The following HTT variants were observed in gnomAD, a reference collection of about 807,000 sequenced individuals.
The protein encoded by HTT is huntingtin, also known as huntington disease protein.
HTT carries 104 observed loss-of-function variants against 362.3 expected under a neutral mutation model. The observed-to-expected ratio is 0.29, with a 90% CI of 0.24 to 0.34. HTT has a LOEUF of 0.34. HTT is among the 10% of genes least tolerant of loss of function. The pLI is 1.00. For synonymous variants in HTT, 1,577 were observed against 1,548.7 expected, an observed-to-expected ratio of 1.02 and a Z score of -0.43; for missense variants, 3,301 against 3,928.6, an observed-to-expected ratio of 0.84 and a Z score of 4.27.
chr4:3,136,886 C>G (rs1716094425), intron 21 of HTT, among the ~76,000 whole-genome samples: 1 of 150,792 alleles, frequency 6.6e-6, no homozygotes, highest in African/African-American at 2.4e-5. Flanking sequence ...CTGAGAATTC[C>G]TGGAAGTTGA....
rs1256782359 is a variant in HTT at position 3,116,273 on chromosome 4, CAGGGTTTACTCT to C, written c.1068+14_1068+25del. The C allele has an allele frequency of 6.2e-7, 1 of 1,602,362 alleles. No homozygotes were observed. The highest frequency in any genetic ancestry group is 8.5e-7 in the Non-Finnish European group (1 of 1,169,872). ...AGAGCAGCTTGTCCAGGTAGGAGCA[CAGGGTTTACTCT>C]AGGCCCTGCATGTGAATGACTGACA... On this transcript the variant is annotated intron_variant, in intron 8 of 66. Transcript: ENST00000355072.
intron 8 of HTT, 32 bp downstream of exon 8, chr4:3,116,295 A>C (rs1038551759): frequency 6.5e-7 from 1 of 1,544,694 alleles, no homozygotes; most frequent in Non-Finnish European, 8.9e-7. Flanking sequence ...TAGGCCCTGC[A>C]TGTGAATGAC....
intron 6 of HTT, among the ~76,000 whole-genome samples, chr4:3,113,967 T>C (rs773031894): frequency 2.6e-5 from 4 of 151,924 alleles, no homozygotes; most frequent in African/African-American, 4.8e-5. Context: ...CACAGAAATA[T>C]AGAGGTGTGA....
chr4:3,103,943 T>A, intron 4 of HTT, 60 bp downstream of exon 4: 1 of 958,490 alleles, frequency 1.0e-6, no homozygotes, highest in Non-Finnish European at 1.7e-6. Context: ...TAGGTACACG[T>A]ATTTTGTAGG....
At chr4:3,231,120 A>G (rs1191334011) in intron 60 of HTT, among the ~76,000 whole-genome samples, 2 of 152,168 alleles carry the variant, frequency 1.3e-5, no homozygotes, top group Non-Finnish European at 2.9e-5. Context: ...CAGAGCTGGC[A>G]CCTCTGGTTC....
intron 40 of HTT, among the ~76,000 whole-genome samples, chr4:3,198,215 A>ATTTTTTTTTT (rs200014691): frequency 1.7e-5 from 1 of 60,380 alleles, no homozygotes; most frequent in African/African-American, 6.6e-5. Flanking sequence ...GGATGTGTTG[A>ATTTTTTTTTT]TTTTTTTTTT....
chr4:3,172,406 T>G lies in HTT; in HGVS notation c.3942+9T>G, dbSNP rs769009499. ...CTGTTTGTGTTCAACAAGTAAGAGC[T>G]TCATTCTTTTCCTCTTCTGTTAAGA... On this transcript the variant is annotated intron_variant, in intron 30 of 66. Coordinates refer to ENST00000355072, the MANE Select transcript of HTT (RefSeq NM_001388492.1). The G allele has an allele frequency of 5.1e-6, 8 of 1,574,860 alleles. No homozygotes were observed. Among genetic ancestry groups the G allele is most frequent in the Non-Finnish European group, 7.0e-6 (8 of 1,144,078 alleles).
chr4:3,229,336 G>GCACCA (rs1721105420), intron 59 of HTT, among the ~76,000 whole-genome samples: 1 of 117,412 alleles, frequency 8.5e-6, no homozygotes, highest in Non-Finnish European at 1.7e-5. Flanking sequence ...CACACCACAT[G>GCACCA]CACCACACCA....
chr4:3,144,072 A>G (rs956560893), intron 23 of HTT, among the ~76,000 whole-genome samples: 4 of 152,222 alleles, frequency 2.6e-5, no homozygotes, highest in Non-Finnish European at 5.9e-5. Flanking sequence ...TGAGTGAAAA[A>G]AGGCAGAATA....
rs555768481 is a variant in HTT at position 3,096,528 on chromosome 4, C to G, written c.348-2746C>G. Among the ~76,000 whole-genome samples the G allele has an allele frequency of 5.9e-5, 9 of 152,244 alleles. No individual in the cohort carries two copies. The South Asian group carries it at 1.9e-3, about 32-fold the overall frequency. ...TTATTCAGAGTATGTTTTCTGACCT[C>G]AGTATCATTAAGTTGGAATATATTA... On this transcript the variant is annotated intron_variant, in intron 2 of 66. Transcript: ENST00000355072.
chr4:3,107,551 A>G, intron 6 of HTT, 128 bp downstream of exon 6: 1 of 830,012 alleles, frequency 1.2e-6, no homozygotes, highest in Non-Finnish European at 1.9e-6. Flanking sequence ...CGTAATTTAG[A>G]CTACCATCAT....
intron 63 of HTT, 126 bp downstream of exon 63, chr4:3,235,904 G>A (rs1043286589): frequency 3.5e-5 from 29 of 818,100 alleles, no homozygotes; most frequent in East Asian, 1.1e-4. Context: ...GCCCCAAGCC[G>A]GCCCCATCAC....
At chr4:3,204,298 C>A (rs1289931565) in intron 42 of HTT, 150 bp downstream of exon 42, 1 of 728,048 alleles carries the variant, frequency 1.4e-6, no homozygotes, top group Non-Finnish European at 2.3e-6. Flanking sequence ...TGAATGTTTA[C>A]TTCTGCTGTG....
chr4:3,143,104 G>A (rs1449921900), intron 23 of HTT, among the ~76,000 whole-genome samples: 2 of 151,886 alleles, frequency 1.3e-5, no homozygotes, highest in Non-Finnish European at 2.9e-5. Flanking sequence ...AGTAATACAC[G>A]CCCAAAATAA....
At chr4:3,214,955 G>A (rs1720327655) in intron 50 of HTT, among the ~76,000 whole-genome samples, 155 bp from the exon 51 acceptor site, 3 of 152,192 alleles carry the variant, frequency 2.0e-5, no homozygotes, top group Admixed American at 2.0e-4. Flanking sequence ...CCTCAGTCTA[G>A]TATTGTCTGT....
At chr4:3,209,715 C>A (rs1040590603) in intron 46 of HTT, 112 bp from the exon 47 acceptor site, 10 of 1,352,426 alleles carry the variant, frequency 7.4e-6, no homozygotes, top group Non-Finnish European at 1.0e-5. Flanking sequence ...CGGCAGCCCT[C>A]TCAGCCTAGT....
rs1272883633 is a variant in HTT at position 3,125,399 on chromosome 4, T to C, written c.1322-150T>C. ...TCTCTACATTCTTTGTGTTTAATAC[T>C]GTGGAGGTATAAAAATACTTATATA... On this transcript the variant is annotated intron_variant, in intron 10 of 66. Transcript: ENST00000355072. 4 of 551,850 alleles carry C rather than the reference T, an allele frequency of 7.2e-6. No homozygotes were observed. In the African/African-American group the frequency reaches 7.6e-5, roughly 10 times the overall value. 34.2% of individuals were successfully genotyped at this position (551,850 alleles called of 1,614,324 possible).
chr4:3,119,162 T>G (rs1715173375), intron 8 of HTT, among the ~76,000 whole-genome samples: 3 of 152,218 alleles, frequency 2.0e-5, no homozygotes, highest in Non-Finnish European at 4.4e-5. Context: ...GATTGCTGTT[T>G]GGCGCGTAGT....
chr4:3,236,748 G>A (rs1038374220), intron 64 of HTT, among the ~76,000 whole-genome samples: 4 of 152,220 alleles, frequency 2.6e-5, no homozygotes, highest in Non-Finnish European at 5.9e-5. Context: ...CGTGTGGTCA[G>A]TGGCTTCTGC....
Sources: allele counts gnomAD v4.1 joint callset (sites outside exome capture counted in the v4.1 genomes callset), GRCh38; gene constraint gnomAD v4.1.1; transcripts MANE v1.5; gene names NCBI Gene and HGNC (gene_info 2026-07-23, HGNC 2026-07-21).